DACH2: variants seen among roughly 807,000 people sequenced by gnomAD.
DACH2 encodes the protein dachshund homolog 2.
A neutral mutation model predicts 35.8 loss-of-function variants in DACH2; 17 were observed. That is an observed-to-expected ratio of 0.48 (90% CI 0.33 to 0.71). The LOEUF (loss-of-function observed/expected upper bound fraction) is 0.71. Among genes scored for constraint, DACH2 ranks in the 30% least tolerant of loss-of-function variants. The pLI is 0.02. For synonymous variants in DACH2, 195 were observed against 177.3 expected (o/e 1.10, Z -0.79); for missense variants, 469 against 472.7 (o/e 0.99, Z 0.07).
chrX:86,804,129 A>C (rs1472751679), intron 7 of DACH2, among the ~76,000 whole-genome samples: 3 of 112,140 alleles, frequency 2.7e-5, no homozygotes, highest in African/African-American at 9.7e-5. Context: ...AAAACACCAG[A>C]AACTGAGTAA....
intron 4 of DACH2, among the ~76,000 whole-genome samples, chrX:86,684,256 A>G (rs749953840): frequency 8.9e-6 from 1 of 112,025 alleles, no homozygotes; most frequent in South Asian, 3.6e-4. Flanking sequence ...TAATTTTTTG[A>G]TAGCTGTAAG....
At chrX:86,561,929 A>G (rs1361422724) in intron 3 of DACH2, among the ~76,000 whole-genome samples, 1 of 101,731 alleles carries the variant, frequency 9.8e-6, no homozygotes, top group Non-Finnish European at 2.0e-5. Context: ...AAGAGAATTC[A>G]GCAAGGATTC....
At chrX:86,255,040 CAAAGG>C (rs2033490710) in intron 1 of DACH2, among the ~76,000 whole-genome samples, 1 of 107,813 alleles carries the variant, frequency 9.3e-6, no homozygotes, top group Non-Finnish European at 1.9e-5. Flanking sequence ...GAGAGATGTC[CAAAGG>C]AAAGATTGCT....
chrX:86,403,976 G>C (rs946652087), intron 2 of DACH2, among the ~76,000 whole-genome samples: 1 of 109,475 alleles, frequency 9.1e-6, no homozygotes, highest in Non-Finnish European at 1.9e-5. Context: ...CAAAGTGGGG[G>C]CAAAGTTTTT....
At chrX:86,635,787 C>T (rs2040258053) in intron 3 of DACH2, among the ~76,000 whole-genome samples, 1 of 111,317 alleles carries the variant, frequency 9.0e-6, no homozygotes, top group South Asian at 3.7e-4. Flanking sequence ...ACAATTGCCA[C>T]AAAAAGTATA....
intron 7 of DACH2, among the ~76,000 whole-genome samples, chrX:86,742,369 T>C (rs945428464): frequency 6.3e-5 from 7 of 111,166 alleles, no homozygotes; most frequent in African/African-American, 1.6e-4. Context: ...ATATTATCTA[T>C]TAATTTTGCT....
At chrX:86,160,056 A>G (rs761724458) in intron 1 of DACH2, among the ~76,000 whole-genome samples, 1 of 107,770 alleles carries the variant, frequency 9.3e-6, no homozygotes, top group Non-Finnish European at 1.9e-5. Flanking sequence ...AAAAAAACAA[A>G]AAAAACAAAG....
At chrX:86,443,118 T>G (rs940520193) in intron 2 of DACH2, among the ~76,000 whole-genome samples, 2 of 111,868 alleles carry the variant, frequency 1.8e-5, no homozygotes, top group Admixed American at 9.6e-5. Flanking sequence ...GAAATGTCAT[T>G]GATATTTTAA....
chrX:86,332,356 C>T (rs1272449475), intron 1 of DACH2, among the ~76,000 whole-genome samples: 1 of 111,426 alleles, frequency 9.0e-6, no homozygotes, highest in Non-Finnish European at 1.9e-5. Flanking sequence ...TGGCCTCCGA[C>T]TACCAGGTAT....
At chrX:86,301,272 G>A (rs529734060) in intron 1 of DACH2, among the ~76,000 whole-genome samples, 48 of 111,936 alleles carry the variant, frequency 4.3e-4, no homozygotes, top group African/African-American at 1.5e-3. Flanking sequence ...GCAAGACAAT[G>A]GATTGTGCAA....
chrX:86,206,293 G>A (rs1470666288), intron 1 of DACH2, among the ~76,000 whole-genome samples: 2 of 106,612 alleles, frequency 1.9e-5, no homozygotes, highest in Non-Finnish European at 3.8e-5. Context: ...AAAAAAAAAA[G>A]AAACTAGGTT....
chrX:86,577,566 G>T (rs1282181113), intron 3 of DACH2, among the ~76,000 whole-genome samples: 2 of 111,513 alleles, frequency 1.8e-5, no homozygotes, highest in Non-Finnish European at 3.8e-5. Context: ...TAAAATATTT[G>T]TTTGGTCTTT....
chrX:86,430,505 T>C (rs2036968445), intron 2 of DACH2, among the ~76,000 whole-genome samples: 1 of 112,737 alleles, frequency 8.9e-6, no homozygotes, highest in African/African-American at 3.2e-5. Flanking sequence ...CGACATGGTA[T>C]GTCTTTCTAC....
At chrX:86,154,747 C>T (rs1232783878) in intron 1 of DACH2, among the ~76,000 whole-genome samples, 1 of 111,394 alleles carries the variant, frequency 9.0e-6, no homozygotes, top group African/African-American at 3.3e-5. Flanking sequence ...ATTCTCTGCT[C>T]GGTTTGATGT....
chrX:86,451,862 G>C (rs2037383736), intron 2 of DACH2, among the ~76,000 whole-genome samples: 1 of 111,041 alleles, frequency 9.0e-6, no homozygotes, highest in South Asian at 3.8e-4. Context: ...TGTTTGATCT[G>C]TCCGGAACTT....
intron 2 of DACH2, among the ~76,000 whole-genome samples, chrX:86,386,768 C>G (rs899220183): frequency 2.5e-4 from 28 of 111,116 alleles, no homozygotes; most frequent in African/African-American, 9.2e-4. Context: ...ACTGGATGTT[C>G]CAGACTCATC....
intron 1 of DACH2, among the ~76,000 whole-genome samples, chrX:86,319,614 T>C (rs2034979698): frequency 8.9e-6 from 1 of 112,129 alleles, no homozygotes; most frequent in Non-Finnish European, 1.9e-5. Context: ...CCTTAAAACA[T>C]TTAGCAAACC....
intron 3 of DACH2, among the ~76,000 whole-genome samples, chrX:86,607,588 G>GT (rs752901782): frequency 1.1e-3 from 126 of 110,214 alleles, no homozygotes; most frequent in African/African-American, 4.0e-3. Context: ...TTTAGGTATT[G>GT]TTTTTTATTA....
At chrX:86,473,503 C>T (rs1389983003) in intron 2 of DACH2, among the ~76,000 whole-genome samples, 2 of 111,161 alleles carry the variant, frequency 1.8e-5, no homozygotes, top group African/African-American at 3.3e-5. Context: ...TCCCTACTTA[C>T]CTTCCTCCCC....
Sources: gnomAD v4.1 joint callset for allele counts (sites outside exome capture counted in the v4.1 genomes callset) on GRCh38, gnomAD v4.1.1 for gene constraint, MANE v1.5 for transcripts, NCBI Gene and HGNC (gene_info 2026-07-23, HGNC 2026-07-21) for gene names.